PTPRH: variants seen among roughly 807,000 people sequenced by gnomAD.
The protein encoded by PTPRH is protein tyrosine phosphatase receptor type H, also known as receptor-type tyrosine-protein phosphatase H.
PTPRH carries 113 observed loss-of-function variants against 130.2 expected under a neutral mutation model. That is an observed-to-expected ratio of 0.87 (90% CI 0.75 to 1.01). The LOEUF (loss-of-function observed/expected upper bound fraction) is 1.01. Ranked by LOEUF, PTPRH falls within the 50% of genes least tolerant of loss-of-function variation. The pLI is 0.00. For missense variants in PTPRH, 1,430 were observed against 1,425.0 expected (o/e 1.00, Z -0.06); for synonymous variants, 556 against 577.9 (o/e 0.96, Z 0.54).
intron 18 of PTPRH, among the ~76,000 whole-genome samples, chr19:55,185,175 A>C (rs1473599566): frequency 2.0e-5 from 3 of 151,884 alleles, no homozygotes; most frequent in African/African-American, 7.3e-5. Flanking sequence ...TTGTATGTTT[A>C]GTAGAGACAA....
At position 55,205,426 on chromosome 19, in the gene PTPRH, G is replaced by A. The variant is rs1195006030; in HGVS notation, c.519C>T (p.Ile173=). 9 of 1,614,208 alleles carry A rather than the reference G, an allele frequency of 5.6e-6. No homozygotes were observed. The South Asian group carries it at 7.7e-5, about 14-fold the overall frequency. Residue 173 remains isoleucine (I), a synonymous_variant, in exon 4 of 20, where the codon ATC becomes ATT. Coordinates refer to ENST00000376350, the MANE Select transcript of PTPRH (RefSeq NM_002842.5). ...AGTRSTAHTN[I]TVDGLEPGCL... is the part of the protein sequence containing the mutation. ...ACCCGGGTTCAAGTCCATCCACGGT[G>A]ATGTTAGTGTGTGCTGTGCTTCGAG... is the stretch of plus-strand genomic sequence containing the variant.
chr19:55,202,586 A>G (rs2086898035), intron 5 of PTPRH, among the ~76,000 whole-genome samples: 1 of 143,816 alleles, frequency 7.0e-6, no homozygotes, highest in Non-Finnish European at 1.5e-5. Context: ...TATCTGATTG[A>G]TCCTATACAC....
At chr19:55,182,639 G>A (rs571110345) in intron 18 of PTPRH, among the ~76,000 whole-genome samples, 7 of 150,322 alleles carry the variant, frequency 4.7e-5, no homozygotes, top group African/African-American at 1.8e-4. Flanking sequence ...GAAGTCGGAT[G>A]TACTAGCTCC....
Position 55,207,162 on chromosome 19 carries a change from T to G in PTPRH, c.85+4A>C, listed in dbSNP as rs1470614843. On this transcript the variant is annotated splice_donor_region_variant and intron_variant, in intron 2 of 19. Transcript: ENST00000376350. Reference sequence around the variant, plus strand: ...GGCAGTGAGTTCAGGCAGGGGTCACTCACCAGGCGCCCTGGCCCCTGTCCA... The same window carrying G: ...GGCAGTGAGTTCAGGCAGGGGTCACGCACCAGGCGCCCTGGCCCCTGTCCA... 1 of 1,613,116 alleles carries G rather than the reference T, an allele frequency of 6.2e-7. No individual in the cohort carries two copies. The highest frequency in any genetic ancestry group is 1.7e-5 in the Admixed American group (1 of 59,940).
At chr19:55,194,301 G>T (rs1246789443) in intron 10 of PTPRH, 2 of 1,287,984 alleles carry the variant, frequency 1.6e-6, no homozygotes, top group Non-Finnish European at 2.0e-6. Context: ...CAGCAATCCT[G>T]GGAAGAGTGT....
At chr19:55,184,290 TAAAC>T (rs1404914997) in intron 18 of PTPRH, among the ~76,000 whole-genome samples, 4 of 150,060 alleles carry the variant, frequency 2.7e-5, no homozygotes, top group Non-Finnish European at 3.0e-5. Context: ...GCCTCCAAAA[TAAAC>T]AAACAAATAA....
At chr19:55,185,237 C>T (rs576891981) in intron 18 of PTPRH, among the ~76,000 whole-genome samples, 1 of 152,156 alleles carries the variant, frequency 6.6e-6, no homozygotes, top group African/African-American at 2.4e-5. Context: ...AAGTGATCCA[C>T]CCGCCTTGGC....
Position 55,200,452 on chromosome 19 carries a change from T to A in PTPRH, c.1204A>T (p.Ile402Phe). ...LHMETQTNSS[I>F]ALCWEVPDGP... is the part of the protein sequence containing the mutation. ...TCGGGGACTTCCCAGCATAGGGCGA[T>A]GGAGCTGTTGGTCTGAGTCTCCATA... Residue 402 changes from isoleucine to phenylalanine, a missense_variant, in exon 7 of 20, where the codon ATC becomes TTC. Physicochemically the swap from Ile to Phe is conservative, Grantham distance 21. Transcript: ENST00000376350. 6.2e-7 allele frequency: 1 copy of A among 1,614,152 alleles called. No individual in the cohort carries two copies. Among genetic ancestry groups the A allele is most frequent in the Non-Finnish European group, 8.5e-7 (1 of 1,180,016 alleles).
intron 10 of PTPRH, among the ~76,000 whole-genome samples, chr19:55,194,574 G>A (rs551643729): frequency 2.6e-5 from 4 of 152,136 alleles, no homozygotes; most frequent in Non-Finnish European, 4.4e-5. Flanking sequence ...TGATTGATGG[G>A]GCAAAGTGAA....
In PTPRH at chr19:55,206,973, A is replaced by G. The variant is rs2122362606; in HGVS notation, c.86-18T>C. 6.4e-7 allele frequency: 1 copy of G among 1,574,504 alleles called. No individual in the cohort carries two copies. The highest frequency in any genetic ancestry group is 8.6e-7 in the Non-Finnish European group (1 of 1,158,294). On this transcript the variant is annotated intron_variant, in intron 2 of 19. Transcript: ENST00000376350. ...GTTGGGGGCTGAGAATTGGGAAGGA[A>G]GGTCTGACAAAAAGGGAACCAGGTC... is the stretch of plus-strand genomic sequence containing the variant.
rs746460052 is a variant in PTPRH, at chr19:55,204,063, A to G, written c.620-15T>C. 2.0e-5 allele frequency: 32 copies of G among 1,604,192 alleles called. No individual in the cohort carries two copies. The highest frequency in any genetic ancestry group is 1.7e-4 in the Middle Eastern group (1 of 6,040). ...TGGGTTGTGAGCTGAGAAATTAGGA[A>G]GAAAGATCTAATATGAGCAGGACTA... On this transcript the variant is annotated splice_polypyrimidine_tract_variant and intron_variant, in intron 4 of 19. Transcript: ENST00000376350.
At chr19:55,194,955 A>T (rs1225402026) in intron 10 of PTPRH, among the ~76,000 whole-genome samples, 1 of 152,154 alleles carries the variant, frequency 6.6e-6, no homozygotes, top group African/African-American at 2.4e-5. Context: ...TGGGAGGAGG[A>T]GCCAGGAGGA....
intron 3 of PTPRH, among the ~76,000 whole-genome samples, 189 bp from the exon 4 acceptor site, chr19:55,205,781 G>A (rs372583020): frequency 3.3e-5 from 5 of 152,212 alleles, no homozygotes; most frequent in African/African-American, 9.6e-5. Flanking sequence ...GAGATGAGCC[G>A]TTAGTGGAAG....
At chr19:55,206,661 T>G in intron 3 of PTPRH, 28 bp downstream of exon 3, 1 of 1,547,478 alleles carries the variant, frequency 6.5e-7, no homozygotes, top group Non-Finnish European at 8.8e-7. Flanking sequence ...ATAAAAGAAA[T>G]AAAAATAAAG....
chr19:55,192,338 CT>C (rs2086568078), intron 10 of PTPRH, among the ~76,000 whole-genome samples: 1 of 151,546 alleles, frequency 6.6e-6, no homozygotes, highest in Admixed American at 6.6e-5. Flanking sequence ...GGAGGTGGAG[CT>C]TGCAGTGAGC....
At chr19:55,191,381 C>T in intron 12 of PTPRH, 120 bp downstream of exon 12, 1 of 1,183,166 alleles carries the variant, frequency 8.5e-7, no homozygotes, top group Non-Finnish European at 1.2e-6. Flanking sequence ...AGGCATGGGC[C>T]CCTTCTGAGA....
intron 18 of PTPRH, among the ~76,000 whole-genome samples, chr19:55,183,569 C>T (rs2094058938): frequency 6.6e-6 from 1 of 151,048 alleles, no homozygotes; most frequent in Admixed American, 6.6e-5. Flanking sequence ...ACTAAAAATA[C>T]CAAAATTAGC....
At chr19:55,196,459 G>A in intron 10 of PTPRH, 63 bp downstream of exon 10, 1 of 1,531,662 alleles carries the variant, frequency 6.5e-7, no homozygotes, top group Non-Finnish European at 8.8e-7. Context: ...TCCTCACAAT[G>A]GGGCCTGATG....
In PTPRH at chr19:55,189,620, G is replaced by A. The variant is rs555750418; in HGVS notation, c.2385-1452C>T. 35 of 451,514 alleles carry A rather than the reference G, an allele frequency of 7.8e-5. No individual in the cohort carries two copies. The Middle Eastern group carries it at 1.9e-3, about 25-fold the overall frequency. The allele number at this position is 451,514 out of a possible 1,614,324, so 28.0% of individuals were successfully genotyped here. On this transcript the variant is annotated intron_variant, in intron 12 of 19. Transcript: ENST00000376350. The stretch of plus-strand genomic sequence containing the variant: ...CATGCTCGGCTCCTCTCCCACTTGC[G>A]TAGGCCTGTACTCAGATGACTTCCT...
Sources: gnomAD v4.1 joint callset for allele counts (sites outside exome capture counted in the v4.1 genomes callset) on GRCh38, gnomAD v4.1.1 for gene constraint, MANE v1.5 for transcripts, NCBI Gene and HGNC (gene_info 2026-07-23, HGNC 2026-07-21) for gene names.